The following TBC1D16 variants were observed in gnomAD, a reference collection of about 807,000 sequenced individuals.
TBC1D16 encodes TBC1 domain family member 16, also known as CTD-2529O21.1.
TBC1D16 carries 58 observed loss-of-function variants against 74.7 expected under a neutral mutation model. The ratio of observed to expected loss-of-function variants is 0.78; its 90% confidence interval spans 0.63 to 0.97. TBC1D16 has a LOEUF of 0.97. Among genes scored for constraint, TBC1D16 ranks in the 50% least tolerant of loss-of-function variants. The pLI, the probability that TBC1D16 is intolerant of heterozygous loss-of-function variation, is 0.00. For synonymous variants in TBC1D16, 493 were observed against 474.7 expected (o/e 1.04, Z -0.50); for missense variants, 1,014 against 1,079.5 (o/e 0.94, Z 0.85).
chr17:79,976,067 G>C (rs1568603862), intron 3 of TBC1D16, among the ~76,000 whole-genome samples: 1 of 152,338 alleles, frequency 6.6e-6, no homozygotes, highest in East Asian at 1.9e-4. Context: ...TGCACATCCA[G>C]GTCAACCTGT....
At chr17:79,952,291 C>T (rs913743310) in intron 4 of TBC1D16, 5 of 193,098 alleles carry the variant, frequency 2.6e-5, no homozygotes, top group Non-Finnish European at 3.2e-5. Context: ...CGGAAAGCTG[C>T]GGCCCGTCCC....
Position 79,950,551 on chromosome 17 carries a change from G to C in TBC1D16, c.1117C>G (p.Gln373Glu), listed in dbSNP as rs1420897367. The C allele has an allele frequency of 3.7e-6, 6 of 1,613,018 alleles. No individual in the cohort carries two copies. In the East Asian group the frequency reaches 1.3e-4, roughly 36 times the overall value. ...AGCTTGGGGCGGCGGATGGAGAACTGCATGCATGTCTTATCGGGGGCGACC... is the reference window on the plus strand; with the variant it reads ...AGCTTGGGGCGGCGGATGGAGAACTCCATGCATGTCTTATCGGGGGCGACC... ...QQVAPDKTCMQFSIRRPKLPS... is the reference protein window; with the variant it reads ...QQVAPDKTCMEFSIRRPKLPS... The change falls in exon 6 of 12, where the codon CAG becomes GAG. Residue 373 changes from glutamine to glutamate, a missense_variant. Gln to Glu is a conservative substitution (Grantham distance 29). Coordinates refer to ENST00000310924, the MANE Select transcript of TBC1D16 (RefSeq NM_019020.4). The surrounding 1 kb of genome is among the most constrained non-coding windows in gnomAD (Gnocchi z 4.6).
At chr17:79,972,367 G>A (rs1172568482) in intron 3 of TBC1D16, among the ~76,000 whole-genome samples, 1 of 152,104 alleles carries the variant, frequency 6.6e-6, no homozygotes, top group Non-Finnish European at 1.5e-5. Context: ...AGTAGAGACA[G>A]GGTTTCACCA....
At position 79,987,371 on chromosome 17, in the gene TBC1D16, C is replaced by T. The variant is rs1310216422; in HGVS notation, c.779+22789G>A. Among the ~76,000 whole-genome samples, 2 of 152,110 alleles carry T rather than the reference C, an allele frequency of 1.3e-5. No homozygotes were observed. The highest frequency in any genetic ancestry group is 2.9e-5 in the Non-Finnish European group (2 of 67,982). On this transcript the variant is annotated intron_variant, in intron 3 of 11. Transcript: ENST00000310924. This position sits in a 1 kb window ranked among gnomAD's most constrained non-coding sequence, Gnocchi z 5.2. ...AAGCGATCCTCCCACTTCAGCCTCCCGAGTAGCTGGGACCACAGGTGCACG... is the reference window on the plus strand; with the variant it reads ...AAGCGATCCTCCCACTTCAGCCTCCTGAGTAGCTGGGACCACAGGTGCACG...
rs1346383455 is a variant in TBC1D16 at position 80,009,151 on chromosome 17, A to C, written c.779+1009T>G. Among the ~76,000 whole-genome samples the C allele has an allele frequency of 6.6e-6, 1 of 152,264 alleles. No homozygotes were observed. The highest frequency in any genetic ancestry group is 1.5e-5 in the Non-Finnish European group (1 of 68,040). On this transcript the variant is annotated intron_variant, in intron 3 of 11. Transcript: ENST00000310924. This position sits in a 1 kb window ranked among gnomAD's most constrained non-coding sequence, Gnocchi z 5.4. ...GGTGTCCAGCGCCCAGGCGAGACCC[A>C]GACCACCCACGTCCAGCATGCGCCC...
At chr17:79,974,646 A>C (rs2034254615) in intron 3 of TBC1D16, among the ~76,000 whole-genome samples, 1 of 152,204 alleles carries the variant, frequency 6.6e-6, no homozygotes, top group Admixed American at 6.5e-5. Context: ...AAAACCAAAA[A>C]ACAGGTGAAC....
chr17:79,942,884 A>G (rs1470840316), intron 10 of TBC1D16, among the ~76,000 whole-genome samples: 1 of 152,214 alleles, frequency 6.6e-6, no homozygotes, highest in African/African-American at 2.4e-5. Context: ...CCCTTTAAAG[A>G]CCGCCTCACG....
chr17:79,984,620 T>TGAAG (rs71287518), intron 3 of TBC1D16, among the ~76,000 whole-genome samples: 13,092 of 122,068 alleles, frequency 0.11, 803 homozygotes, highest in African/African-American at 0.17. Flanking sequence ...AGGGAGGGAG[T>TGAAG]GAAGGAAGGA....
At chr17:79,982,820 C>T (rs1159824259) in intron 3 of TBC1D16, among the ~76,000 whole-genome samples, 2 of 152,166 alleles carry the variant, frequency 1.3e-5, no homozygotes, top group African/African-American at 4.8e-5. Flanking sequence ...GATCACGTCA[C>T]TGCACTCCAG....
intron 3 of TBC1D16, among the ~76,000 whole-genome samples, chr17:79,962,156 T>A (rs1280900600): frequency 1.3e-5 from 2 of 151,886 alleles, no homozygotes; most frequent in Non-Finnish European, 2.9e-5. Flanking sequence ...CCAATTATTT[T>A]ATTGTGTTAA....
rs2035738719 is a variant in TBC1D16, at chr17:80,007,908, T to G, written c.779+2252A>C. Among the ~76,000 whole-genome samples the G allele has an allele frequency of 6.6e-6, 1 of 151,914 alleles. No individual in the cohort carries two copies. Among genetic ancestry groups the G allele is most frequent in the Non-Finnish European group, 1.5e-5 (1 of 67,988 alleles). On this transcript the variant is annotated intron_variant, in intron 3 of 11. Coordinates refer to ENST00000310924, the MANE Select transcript of TBC1D16 (RefSeq NM_019020.4). The surrounding 1 kb of genome is among the most constrained non-coding windows in gnomAD (Gnocchi z 4.5). ...AGATGGTGCTTCATCCTGAAAATGA[T>G]GGGCGGCCCCCGGTGGGTCCCAGGC...
intron 1 of TBC1D16, among the ~76,000 whole-genome samples, chr17:80,022,235 T>C (rs2036310842): frequency 6.7e-6 from 1 of 150,102 alleles, no homozygotes; most frequent in Non-Finnish European, 1.5e-5. Flanking sequence ...AGTGTTTATG[T>C]TGTTTTTATT....
chr17:80,031,230 G>C (rs1054576828), intron 1 of TBC1D16, among the ~76,000 whole-genome samples: 1 of 152,216 alleles, frequency 6.6e-6, no homozygotes, highest in Non-Finnish European at 1.5e-5. Context: ...AATCCCCTGC[G>C]GGGCCGCCGT....
intron 9 of TBC1D16, among the ~76,000 whole-genome samples, chr17:79,947,192 G>A (rs1048665662): frequency 1.3e-5 from 2 of 152,164 alleles, no homozygotes; most frequent in Non-Finnish European, 2.9e-5. Context: ...GGTGGGGTGT[G>A]AGGACTGCCC....
At position 79,944,252 on chromosome 17, in the gene TBC1D16, C is replaced by T; in HGVS notation, c.1908+656G>A. The T allele has an allele frequency of 9.6e-7, 1 of 1,039,174 alleles. No homozygotes were observed. Among genetic ancestry groups the T allele is most frequent in the Non-Finnish European group, 1.4e-6 (1 of 722,060 alleles). 64.4% of individuals were successfully genotyped at this position (1,039,174 alleles called of 1,614,324 possible). A position where few individuals can be genotyped will look rare whatever the true frequency, so the allele number is the denominator to read the frequency against. Reference sequence around the variant, plus strand: ...AGCTCCTGCAAAAGGGTCCAGCCCTCCTGGATGCGTCGATGTGAGTTTTTT... The same window carrying T: ...AGCTCCTGCAAAAGGGTCCAGCCCTTCTGGATGCGTCGATGTGAGTTTTTT... On this transcript the variant is annotated intron_variant, in intron 10 of 11. Transcript: ENST00000310924. The surrounding 1 kb of genome is among the most constrained non-coding windows in gnomAD (Gnocchi z 7.7).
rs774820273 is a variant in TBC1D16 at position 79,983,859 on chromosome 17, A to G, written c.779+26301T>C. ...TTTGGCATGTATCAAATATGACAAA[A>G]TTTAAAAAAAATTTAAATTTATTTA... is the stretch of plus-strand genomic sequence containing the variant. On this transcript the variant is annotated intron_variant, in intron 3 of 11. Coordinates refer to ENST00000310924, the MANE Select transcript of TBC1D16 (RefSeq NM_019020.4). This position sits in a 1 kb window ranked among gnomAD's most constrained non-coding sequence, Gnocchi z 5.6. Among the ~76,000 whole-genome samples, 1 of 152,150 alleles carries G rather than the reference A, an allele frequency of 6.6e-6. No homozygotes were observed. Among genetic ancestry groups the G allele is most frequent in the Non-Finnish European group, 1.5e-5 (1 of 68,022 alleles).
intron 6 of TBC1D16, 58 bp from the exon 7 acceptor site, chr17:79,949,923 C>A: frequency 6.3e-7 from 1 of 1,576,528 alleles, no homozygotes; most frequent in Non-Finnish European, 8.7e-7. Flanking sequence ...AAAGAACCCC[C>A]AAATCCCCAG....
chr17:79,940,790 C>T lies in TBC1D16; in HGVS notation c.*69G>A. On this transcript the variant is annotated 3_prime_UTR_variant, in exon 12 of 12. Coordinates refer to ENST00000310924, the MANE Select transcript of TBC1D16 (RefSeq NM_019020.4). This position sits in a 1 kb window ranked among gnomAD's most constrained non-coding sequence, Gnocchi z 5.4. ...TCCCCTGTCCCCTTCACGCCCAGCC[C>T]CACCCCCTCCCGTGCCCAGGGCCTC... The T allele has an allele frequency of 2.1e-6, 3 of 1,442,600 alleles. No homozygotes were observed. The allele number at this position is 1,442,600 out of a possible 1,614,324, so 89.4% of individuals were successfully genotyped here.
rs1406823532 is a variant in TBC1D16, at chr17:79,946,342, C to T, written c.1729-1255G>A. On this transcript the variant is annotated intron_variant, in intron 9 of 11. Coordinates refer to ENST00000310924, the MANE Select transcript of TBC1D16 (RefSeq NM_019020.4). ...CAGTAGGGTTCTCGCGTTCGAGCTTCTGTGAGAATCTAATGCAGCCGCTGA... is the reference window on the plus strand; with the variant it reads ...CAGTAGGGTTCTCGCGTTCGAGCTTTTGTGAGAATCTAATGCAGCCGCTGA... 4.6e-5 allele frequency among the ~76,000 whole-genome samples: 7 copies of T among 152,362 alleles called. No individual in the cohort carries two copies. In the East Asian group the frequency reaches 1.3e-3, roughly 29 times the overall value.
Sources: allele counts gnomAD v4.1 joint callset (sites outside exome capture counted in the v4.1 genomes callset), GRCh38; gene constraint gnomAD v4.1.1; non-coding constraint Gnocchi (gnomAD v3.1); transcripts MANE v1.5; gene names NCBI Gene and HGNC (gene_info 2026-07-23, HGNC 2026-07-21).